Variants in CD96 observed in about 807,000 individuals in gnomAD.
CD96 encodes T-cell surface protein tactile.
A neutral mutation model predicts 71.3 loss-of-function variants in CD96; 70 were observed. The ratio of observed to expected loss-of-function variants is 0.98; its 90% CI spans 0.81 to 1.20. CD96 has a LOEUF of 1.20. Among genes scored for constraint, CD96 ranks in the 50% most tolerant of loss-of-function variants. The pLI is 0.00. For synonymous variants in CD96, 248 were observed against 233.0 expected, an observed-to-expected ratio of 1.06 and a Z score of -0.59; for missense variants, 742 against 677.5, an observed-to-expected ratio of 1.10 and a Z score of -1.06.
rs559685296 is a variant in CD96, at chr3:111,596,285, A to G, written c.808-1835A>G. Among the ~76,000 whole-genome samples the G allele has an allele frequency of 1.4e-4, 21 of 152,272 alleles. No homozygotes were observed. In the South Asian group the frequency reaches 4.3e-3, roughly 32 times the overall value. ...TTAAAATAGAAAAAAAAGATGGGGG[A>G]AAAAGATTCAAAATAGGAATGAGAC... On this transcript the variant is annotated intron_variant, in intron 5 of 13. Coordinates refer to ENST00000352690, the MANE Select transcript of CD96 (RefSeq NM_005816.5).
intron 2 of CD96, among the ~76,000 whole-genome samples, chr3:111,560,288 A>G (rs112680673): frequency 6.6e-6 from 1 of 150,456 alleles, no homozygotes; most frequent in African/African-American, 2.4e-5. Context: ...TAGTTGACAC[A>G]GTTTCTTCCT....
At chr3:111,586,293 T>C (rs1448369690) in intron 5 of CD96, among the ~76,000 whole-genome samples, 1 of 152,222 alleles carries the variant, frequency 6.6e-6, no homozygotes, top group African/African-American at 2.4e-5. Context: ...CGAGAGAAAA[T>C]TATATTCATT....
intron 13 of CD96, among the ~76,000 whole-genome samples, chr3:111,648,495 C>T (rs1939937144): frequency 6.6e-6 from 1 of 152,104 alleles, no homozygotes; most frequent in African/African-American, 2.4e-5. Flanking sequence ...ACAATTTGGC[C>T]ACCACATGAC....
intron 3 of CD96, chr3:111,570,991 G>A (rs1346825214): frequency 6.7e-7 from 1 of 1,483,962 alleles, no homozygotes; most frequent in East Asian, 2.3e-5. Context: ...AGCTGGGAGG[G>A]CATCTCCTGC....
intron 3 of CD96, among the ~76,000 whole-genome samples, chr3:111,577,251 A>C (rs1936259718): frequency 6.6e-6 from 1 of 152,190 alleles, no homozygotes; most frequent in African/African-American, 2.4e-5. Context: ...TCATATACTA[A>C]ATGACCAAGG....
At chr3:111,591,006 C>T (rs1386760941) in intron 5 of CD96, among the ~76,000 whole-genome samples, 1 of 152,066 alleles carries the variant, frequency 6.6e-6, no homozygotes, top group Non-Finnish European at 1.5e-5. Flanking sequence ...TGTCATGAAA[C>T]ATAGGAAACA....
At chr3:111,645,011 A>T (rs1170048577) in intron 12 of CD96, among the ~76,000 whole-genome samples, 1 of 152,168 alleles carries the variant, frequency 6.6e-6, no homozygotes, top group South Asian at 2.1e-4. Context: ...CCACTACTGG[A>T]TATCTGCCCA....
Position 111,545,538 on chromosome 3 carries a change from A to T in CD96, c.418+136A>T. The T allele has an allele frequency of 2.7e-5, 19 of 703,914 alleles. 1 individual carries two copies. The South Asian group carries it at 2.9e-4, about 11-fold the overall frequency. The allele number at this position is 703,914 out of a possible 1,614,324, so 43.6% of individuals were successfully genotyped here. ...GCAGAAAGAGCTACTGTCTGATAAG[A>T]GAGACAGGAAGTGACCACAGCATTT... On this transcript the variant is annotated intron_variant, in intron 2 of 13. Coordinates refer to ENST00000352690, the MANE Select transcript of CD96 (RefSeq NM_005816.5).
intron 12 of CD96, among the ~76,000 whole-genome samples, chr3:111,644,065 C>G (rs1327972061): frequency 6.6e-6 from 1 of 152,136 alleles, no homozygotes; most frequent in Non-Finnish European, 1.5e-5. Context: ...CTGGAGGCAT[C>G]ACATACCTGA....
At chr3:111,595,183 GC>G (rs1454529659) in intron 5 of CD96, 1 of 156,330 alleles carries the variant, frequency 6.4e-6, no homozygotes, top group East Asian at 1.9e-4. Flanking sequence ...TTTAAAAACA[GC>G]CCGACTTCTC....
At chr3:111,647,704 T>G (rs1559778463) in intron 13 of CD96, 38 bp downstream of exon 13, 1 of 1,468,996 alleles carries the variant, frequency 6.8e-7, no homozygotes, top group East Asian at 2.3e-5. Context: ...ACAGATTAAT[T>G]TTTCATTATA....
intron 12 of CD96, among the ~76,000 whole-genome samples, chr3:111,641,927 A>G (rs1939611246): frequency 6.6e-6 from 1 of 152,248 alleles, no homozygotes; most frequent in Non-Finnish European, 1.5e-5. Context: ...TCAAGATGGA[A>G]ATTTAAAAAT....
chr3:111,542,996 A>G (rs1375712746), intron 1 of CD96, among the ~76,000 whole-genome samples: 1 of 152,196 alleles, frequency 6.6e-6, no homozygotes, highest in Non-Finnish European at 1.5e-5. Context: ...AATATTAAGG[A>G]GAATTTCTAA....
intron 3 of CD96, among the ~76,000 whole-genome samples, chr3:111,573,193 G>A (rs1417577868): frequency 6.6e-6 from 1 of 152,152 alleles, no homozygotes; most frequent in East Asian, 1.9e-4. Flanking sequence ...GGGAAGTTCT[G>A]CAGGCTTATT....
chr3:111,568,510 C>T (rs1361707561), intron 3 of CD96, among the ~76,000 whole-genome samples: 1 of 152,182 alleles, frequency 6.6e-6, no homozygotes, highest in Admixed American at 6.5e-5. Flanking sequence ...TCTCCCACTA[C>T]TTTTCTCTCC....
downstream of CD96, among the ~76,000 whole-genome samples, chr3:111,652,669 C>T (rs1940132707): frequency 6.6e-6 from 1 of 152,020 alleles, no homozygotes; most frequent in Admixed American, 6.6e-5. Flanking sequence ...ATAGAGTGAG[C>T]GGTTGCTTAT....
chr3:111,628,275 A>C (rs1181244726), intron 10 of CD96, among the ~76,000 whole-genome samples: 1 of 152,202 alleles, frequency 6.6e-6, no homozygotes, highest in African/African-American at 2.4e-5. Flanking sequence ...GAAGCTAAGA[A>C]TCATGATAAA....
chr3:111,578,220 A>G (rs920316906), intron 3 of CD96, among the ~76,000 whole-genome samples: 2 of 152,168 alleles, frequency 1.3e-5, no homozygotes, highest in African/African-American at 4.8e-5. Flanking sequence ...CAACACTGTG[A>G]CACCCCAGGG....
intron 14 of CD96, among the ~76,000 whole-genome samples, chr3:111,663,842 G>A (rs551751717): frequency 2.0e-5 from 3 of 150,704 alleles, no homozygotes; most frequent in East Asian, 2.0e-4. Flanking sequence ...TCCACCTCCC[G>A]GGTTCACGCC....
Sources: allele counts gnomAD v4.1 joint callset (sites outside exome capture counted in the v4.1 genomes callset), GRCh38; gene constraint gnomAD v4.1.1; transcripts MANE v1.5; gene names NCBI Gene and HGNC (gene_info 2026-07-23, HGNC 2026-07-21).